The following MS4A6A variants were observed in gnomAD, a reference collection of about 807,000 sequenced individuals.
MS4A6A encodes membrane-spanning 4-domains subfamily A member 6A.
Under a neutral mutation model 20.6 loss-of-function variants are expected in MS4A6A, and 19 were observed. That is an observed-to-expected ratio of 0.92 (90% CI 0.64 to 1.36). The LOEUF (loss-of-function observed/expected upper bound fraction) is 1.36. Ranked by LOEUF, MS4A6A falls within the 40% of genes most tolerant of loss-of-function variation. MS4A6A has a pLI of 0.00. For missense variants in MS4A6A, 272 were observed against 261.1 expected, an observed-to-expected ratio of 1.04 and a Z score of -0.29; for synonymous variants, 108 against 105.0, an observed-to-expected ratio of 1.03 and a Z score of -0.17.
downstream of MS4A6A, among the ~76,000 whole-genome samples, chr11:60,171,624 T>C (rs1357330869): frequency 6.6e-6 from 1 of 152,232 alleles, no homozygotes; most frequent in Non-Finnish European, 1.5e-5. Context: ...AAAAATTTTA[T>C]TTTGAAGCCA....
intron 4 of MS4A6A, among the ~76,000 whole-genome samples, chr11:60,177,659 A>G (rs1227311231): frequency 1.3e-5 from 2 of 152,250 alleles, no homozygotes; most frequent in Admixed American, 6.5e-5. Context: ...TAAAAGTATT[A>G]TACTTCTGGT....
chr11:60,175,947 T>G (rs1232643000), intron 4 of MS4A6A, among the ~76,000 whole-genome samples: 1 of 152,150 alleles, frequency 6.6e-6, no homozygotes, highest in Admixed American at 6.5e-5. Flanking sequence ...TGACCCAAAG[T>G]GAAGGTGGCA....
At chr11:60,180,931 C>A (rs1005607791) in intron 2 of MS4A6A, 11 of 418,548 alleles carry the variant, frequency 2.6e-5, no homozygotes, top group Non-Finnish European at 4.2e-5. Flanking sequence ...GCAAGGAAAC[C>A]AGTCCCACCA....
chr11:60,174,963 A>G (rs577261946), intron 5 of MS4A6A, among the ~76,000 whole-genome samples: 1 of 152,140 alleles, frequency 6.6e-6, no homozygotes. Context: ...TTTTCTTAGT[A>G]CTGAATCTGA....
chr11:60,174,713 T>C (rs1194163152), intron 5 of MS4A6A, among the ~76,000 whole-genome samples: 1 of 152,176 alleles, frequency 6.6e-6, no homozygotes, highest in Non-Finnish European at 1.5e-5. Context: ...ACATATTATT[T>C]CTATTAGCCA....
At chr11:60,184,493 C>A (rs894275560), upstream of MS4A6A, 5 of 152,218 alleles carry the variant, frequency 3.3e-5, no homozygotes, top group Non-Finnish European at 7.3e-5. Context: ...CAATCACACC[C>A]CCTTTCCCTT....
chr11:60,181,857 A>G, intron 1 of MS4A6A, 116 bp from the exon 2 acceptor site: 1 of 975,220 alleles, frequency 1.0e-6, no homozygotes, highest in Non-Finnish European at 1.6e-6. Flanking sequence ...TCCATTAGAG[A>G]AAGAAACTGA....
chr11:60,179,830 CA>C lies in MS4A6A; in HGVS notation c.282del (p.Phe95LeufsTer15), dbSNP rs549670217. On this transcript the variant is annotated frameshift_variant and splice_region_variant, in exon 3 of 6. Coordinates refer to ENST00000528851, the MANE Select transcript of MS4A6A (RefSeq NM_022349.4). LOFTEE classifies it high-confidence loss of function. ...CTGCCCTCCTCAGAAACTCTACTCA[CA>C]AAAAAGGGTCCTATGAATGGGTAAG... is the stretch of plus-strand genomic sequence containing the variant. ...NSAYPFIGPFFFIISGSLSIA... is the reference protein window; with the variant it reads ...NSAYPFIGPFXFIISGSLSIA... 75 of 1,613,872 alleles carry C rather than the reference CA, an allele frequency of 4.6e-5. 1 individual carries two copies. In the East Asian group the frequency reaches 1.5e-3, roughly 32 times the overall value.
intron 5 of MS4A6A, among the ~76,000 whole-genome samples, chr11:60,173,701 G>A (rs1383577547): frequency 6.6e-6 from 1 of 151,998 alleles, no homozygotes; most frequent in Non-Finnish European, 1.5e-5. Context: ...CTTGATTTTT[G>A]TTGTTGTTTC....
In MS4A6A at chr11:60,175,484, A is replaced by G; in HGVS notation, c.467T>C (p.Ile156Thr). 8.7e-6 allele frequency: 14 copies of G among 1,614,100 alleles called. No individual in the cohort carries two copies. Among genetic ancestry groups the G allele is most frequent in the East Asian group, 2.2e-5 (1 of 44,888 alleles). ...GTAAGAAACATAACTTCTTGTTGGT[A>G]TATTATTTTTGTCCAACTCACACTG... ...SLQCELDKNN[I>T]PTRSYVSYFY... The change falls in exon 5 of 6, where the codon ATA becomes ACA. Residue 156 changes from isoleucine to threonine, a missense_variant. Physicochemically the swap from Ile to Thr is moderately conservative, Grantham distance 89. Transcript: ENST00000528851.
chr11:60,181,831 G>A, intron 1 of MS4A6A, 90 bp from the exon 2 acceptor site: 1 of 1,283,240 alleles, frequency 7.8e-7, no homozygotes, highest in Non-Finnish European at 1.1e-6. Context: ...TTGCCAATTA[G>A]TCTAGGCTTG....
chr11:60,181,485 G>A, intron 2 of MS4A6A, 96 bp downstream of exon 2: 1 of 1,505,482 alleles, frequency 6.6e-7, no homozygotes, highest in Non-Finnish European at 9.0e-7. Context: ...AAATTTTAGG[G>A]TCTCCACACT....
intron 5 of MS4A6A, among the ~76,000 whole-genome samples, chr11:60,174,739 C>T (rs1261131127): frequency 6.6e-6 from 1 of 152,154 alleles, no homozygotes; most frequent in Non-Finnish European, 1.5e-5. Context: ...CATTATTTTT[C>T]TTCTTCCAAA....
chr11:60,179,603 T>C (rs571604643), intron 3 of MS4A6A: 8 of 617,868 alleles, frequency 1.3e-5, no homozygotes, highest in African/African-American at 1.1e-4. Context: ...AAGATGATAA[T>C]GTGAAGAATA....
At position 60,181,708 on chromosome 11, in the gene MS4A6A, G is replaced by T. The variant is rs1419146147; in HGVS notation, c.20C>A (p.Pro7His). Residue 7 changes from proline (P) to histidine (H), a missense_variant, in exon 2 of 6, where the codon CCC becomes CAC. Transcript: ENST00000528851. Reference protein sequence around the residue: MTSQPVPNETIIVLPSN... With the variant: MTSQPVHNETIIVLPSN... ...TGGGAGCACTATGATGGTCTCATTGGGAACAGGTTGTGATGTCATGATGGT... is the reference window on the plus strand; with the variant it reads ...TGGGAGCACTATGATGGTCTCATTGTGAACAGGTTGTGATGTCATGATGGT... 2.5e-6 allele frequency: 4 copies of T among 1,613,970 alleles called. No homozygotes were observed. The highest frequency in any genetic ancestry group is 3.4e-6 in the Non-Finnish European group (4 of 1,179,988).
At chr11:60,181,461 A>C in intron 2 of MS4A6A, 120 bp downstream of exon 2, 1 of 1,288,120 alleles carries the variant, frequency 7.8e-7, no homozygotes, top group Non-Finnish European at 1.1e-6. Flanking sequence ...TTCTACCCTA[A>C]AGTCCCTCTA....
chr11:60,179,436 G>C (rs1003238036), intron 3 of MS4A6A: 4 of 509,984 alleles, frequency 7.8e-6, no homozygotes, highest in Non-Finnish European at 1.4e-5. Flanking sequence ...CACAAGCATG[G>C]GGGGGATAAC....
At position 60,172,632 on chromosome 11, in the gene MS4A6A, AT is replaced by A; in HGVS notation, c.*368del. The A allele has an allele frequency of 2.6e-6, 3 of 1,153,676 alleles. No homozygotes were observed. Among genetic ancestry groups the A allele is most frequent in the Non-Finnish European group, 3.2e-6 (3 of 929,446 alleles). The allele number at this position is 1,153,676 out of a possible 1,614,324, so 71.5% of individuals were successfully genotyped here. On this transcript the variant is annotated 3_prime_UTR_variant, in exon 6 of 6. Transcript: ENST00000528851. ...AAATGCCCTTTACCAAGTCAATACT[AT>A]TAAAGAGACTAGTGGTTGTGGCAGA...
chr11:60,182,373 C>G (rs1028399284), intron 1 of MS4A6A: 1 of 152,306 alleles, frequency 6.6e-6, no homozygotes, highest in African/African-American at 2.4e-5. Flanking sequence ...TGCAGTTACC[C>G]TTATTGTTCA....
Sources: gnomAD v4.1 joint callset for allele counts (sites outside exome capture counted in the v4.1 genomes callset) on GRCh38, gnomAD v4.1.1 for gene constraint, MANE v1.5 for transcripts, NCBI Gene and HGNC (gene_info 2026-07-23, HGNC 2026-07-21) for gene names.